NOL3: variants seen among roughly 807,000 people sequenced by gnomAD.
NOL3 encodes the protein nucleolar protein 3, also known as muscle-enriched cytoplasmic protein.
NOL3 carries 18 observed loss-of-function variants against 19.2 expected under a neutral mutation model. The ratio of observed to expected loss-of-function variants is 0.94; its 90% CI spans 0.65 to 1.39. NOL3 has a LOEUF of 1.39. Among genes scored for constraint, NOL3 ranks in the 40% most tolerant of loss-of-function variants. NOL3 has a pLI of 0.00. For synonymous variants in NOL3, 127 were observed against 137.3 expected (o/e 0.93, Z 0.52); for missense variants, 290 against 289.5 (o/e 1.00, Z -0.01).
At chr16:67,174,509 G>A in intron 2 of NOL3, 45 bp downstream of exon 2, 1 of 1,466,974 alleles carries the variant, frequency 6.8e-7, no homozygotes, top group Non-Finnish European at 9.0e-7. Context: ...GGACGGGGCT[G>A]GGGCAGACAA....
chr16:67,174,127 A>AC (rs746419446), intron 1 of NOL3, 35 bp from the exon 2 acceptor site: 1 of 1,597,956 alleles, frequency 6.3e-7, no homozygotes, highest in South Asian at 1.1e-5. Context: ...GGGGAGGGCA[A>AC]CCCCCCATTA....
At chr16:67,174,194 TCAGAGA>T (rs1354662968) in exon 2 of NOL3, 1 of 1,611,766 alleles carries the variant, frequency 6.2e-7, no homozygotes, top group South Asian at 1.1e-5. Context: ...GGAGCGGCCG[TCAGAGA>T]CTATCGACCG....
At chr16:67,174,206 G>C (rs2233457) in exon 2 of NOL3, 22,015 of 1,612,348 alleles carry the variant, frequency 0.014, 185 homozygotes, top group Non-Finnish European at 0.015. Flanking sequence ...AGAGACTATC[G>C]ACCGCGAGCG....
chr16:67,174,417 C>A, exon 2 of NOL3: 1 of 1,530,218 alleles, frequency 6.5e-7, no homozygotes, highest in South Asian at 1.2e-5. Flanking sequence ...GCCCAGCGTA[C>A]CGCGGGCGCG....
At chr16:67,171,335 T>C (rs1361432964) in intron 1 of NOL3, 1 of 152,254 alleles carries the variant, frequency 6.6e-6, no homozygotes. Context: ...ACTTAGGCAT[T>C]GGTGTAGACA....
In NOL3 at chr16:67,174,775, G is replaced by A. The variant is rs753421546; in HGVS notation, c.450G>A (p.Pro150=). The A allele has an allele frequency of 3.7e-6, 6 of 1,607,932 alleles. No individual in the cohort carries two copies. The South Asian group carries it at 6.6e-5, about 18-fold the overall frequency. Reference sequence around the variant, plus strand: ...CCGAGGCGGTGCAATCCGGGACCCCGGAGGAGCCAGAGCCAGAGCTGGAAG... The same window carrying A: ...CCGAGGCGGTGCAATCCGGGACCCCAGAGGAGCCAGAGCCAGAGCTGGAAG... The change falls in exon 3 of 4, where the codon CCG becomes CCA. Residue 150 remains proline, a synonymous_variant. Transcript: ENST00000268605.
chr16:67,175,210 G>A (rs1404821167), exon 4 of NOL3: 10 of 1,521,726 alleles, frequency 6.6e-6, no homozygotes, highest in Non-Finnish European at 8.8e-6. Context: ...CTCTCTCCAC[G>A]ATTCTGGCTG....
At chr16:67,173,799 T>C (rs2031917485) in intron 1 of NOL3, 1 of 1,419,258 alleles carries the variant, frequency 7.0e-7, no homozygotes, top group Non-Finnish European at 9.5e-7. Flanking sequence ...AAACGGGGTC[T>C]GAACTCGCCT....
At chr16:67,171,455 A>G (rs1264408064) in intron 1 of NOL3, 1 of 152,446 alleles carries the variant, frequency 6.6e-6, no homozygotes, top group Admixed American at 6.5e-5. Flanking sequence ...TGCCAGAGGC[A>G]TAGTGAGTTC....
intron 1 of NOL3, chr16:67,172,647 T>C (rs2031837349): frequency 6.7e-6 from 1 of 148,558 alleles, no homozygotes; most frequent in Non-Finnish European, 1.5e-5. Context: ...AGATTGACTC[T>C]CCCTAATAGC....
At chr16:67,173,946 G>C (rs1220082711) in intron 1 of NOL3, 1 of 1,536,544 alleles carries the variant, frequency 6.5e-7, no homozygotes, top group African/African-American at 1.4e-5. Context: ...AGCCTGAGGA[G>C]GAGACAGGAC....
In NOL3 at chr16:67,170,897, C is replaced by T. The variant is rs1204301289; in HGVS notation, c.-9+323C>T. On this transcript the variant is annotated intron_variant, in intron 1 of 3. Coordinates refer to ENST00000268605, the Ensembl canonical transcript of NOL3. This position sits in a 1 kb window ranked among gnomAD's most constrained non-coding sequence, Gnocchi z 5.7. ...GGGGTTGGGGGCTGGGACCCAGCTC[C>T]GTGCCCCGCCACCTGGCTCTCTGGG... is the stretch of plus-strand genomic sequence containing the variant. Among the ~76,000 whole-genome samples, 2 of 152,356 alleles carry T rather than the reference C, an allele frequency of 1.3e-5. No homozygotes were observed. The highest frequency in any genetic ancestry group is 3.9e-4 in the East Asian group (2 of 5,182).
At chr16:67,174,979 G>C in intron 3 of NOL3, 35 bp downstream of exon 3, 1 of 1,609,302 alleles carries the variant, frequency 6.2e-7, no homozygotes, top group Non-Finnish European at 8.5e-7. Context: ...CCGGCTTGGC[G>C]GGAGGGCATG....
At chr16:67,173,934 G>A in intron 1 of NOL3, 1 of 1,536,360 alleles carries the variant, frequency 6.5e-7, no homozygotes, top group Non-Finnish European at 8.7e-7. Flanking sequence ...GACAGAAGGA[G>A]GAGCCTGAGG....
intron 1 of NOL3, chr16:67,173,754 G>A (rs2031914316): frequency 1.0e-6 from 1 of 958,986 alleles, no homozygotes; most frequent in Non-Finnish European, 1.5e-6. Context: ...GGTTAGGTGG[G>A]GAAGCAGATT....
At position 67,174,675 on chromosome 16, in the gene NOL3, C is replaced by T. The variant is rs568236831; in HGVS notation, c.350C>T (p.Ala117Val). 6.3e-6 allele frequency: 10 copies of T among 1,587,632 alleles called. No individual in the cohort carries two copies. The South Asian group carries it at 1.0e-4, about 16-fold the overall frequency. ...TGCCCAGGCCACTGGACGCCGGAGG[C>T]ACCCGGCTCGGGGACCACATGCCCC... The change falls in exon 3 of 4, where the codon GCA becomes GTA. Residue 117 changes from alanine to valine, a missense_variant. Physicochemically the swap from Ala to Val is moderately conservative, Grantham distance 64 (BLOSUM62 0). Coordinates refer to ENST00000268605, the Ensembl canonical transcript of NOL3.
At chr16:67,174,229 C>A in exon 2 of NOL3, 1 of 1,612,992 alleles carries the variant, frequency 6.2e-7, no homozygotes, top group Admixed American at 1.7e-5. Context: ...AACGCCTGGT[C>A]GAGACGCTGC....
intron 1 of NOL3, chr16:67,173,859 CAG>C: frequency 1.3e-6 from 2 of 1,534,022 alleles, no homozygotes; most frequent in Non-Finnish European, 1.7e-6. Context: ...GGAGGGCATT[CAG>C]AGAGTAGATG....
chr16:67,170,947 A>AG lies in NOL3; in HGVS notation c.-9+375dup, dbSNP rs1286688157. On this transcript the variant is annotated intron_variant, in intron 1 of 3. Transcript: ENST00000268605. The surrounding 1 kb of genome is among the most constrained non-coding windows in gnomAD (Gnocchi z 5.7). The stretch of plus-strand genomic sequence containing the variant: ...GAAGAATCGGACCTGTCACCCTCGA[A>AG]GGACTGGCCGCTAAATAACTTCGGT... Among the ~76,000 whole-genome samples the AG allele has an allele frequency of 6.6e-6, 1 of 152,216 alleles. No homozygotes were observed. The highest frequency in any genetic ancestry group is 2.4e-5 in the African/African-American group (1 of 41,456).
Sources: gnomAD v4.1 joint callset for allele counts (sites outside exome capture counted in the v4.1 genomes callset) on GRCh38, gnomAD v4.1.1 for gene constraint, Gnocchi (gnomAD v3.1) non-coding constraint, MANE v1.5 for transcripts, NCBI Gene and HGNC (gene_info 2026-07-23, HGNC 2026-07-21) for gene names.